The following PFKM variants were observed in gnomAD, a reference collection of about 807,000 sequenced individuals.
PFKM encodes phosphofructokinase, muscle, also known as ATP-dependent 6-phosphofructokinase, muscle type.
In PFKM, 58 loss-of-function variants were observed where a neutral mutation model predicts 95.5. That is an observed-to-expected ratio of 0.61 (90% CI 0.49 to 0.76). The LOEUF (loss-of-function observed/expected upper bound fraction) is 0.76. Ranked by LOEUF, PFKM falls within the 30% of genes least tolerant of loss-of-function variation. The probability of loss-of-function intolerance (pLI) is 0.00; values close to 1 mark genes in which losing one functional copy is unlikely to be tolerated. For synonymous variants in PFKM, 336 were observed against 357.2 expected (o/e 0.94, Z 0.67); for missense variants, 678 against 1,005.4 (o/e 0.67, Z 4.40).
chr12:48,116,606 G>A (rs1947704594), upstream of PFKM, among the ~76,000 whole-genome samples: 1 of 152,160 alleles, frequency 6.6e-6, no homozygotes. Context: ...AACCTCCTGA[G>A]TAGCTGGGAC....
intron 10 of PFKM, among the ~76,000 whole-genome samples, chr12:48,136,699 T>G (rs992780856): frequency 2.7e-5 from 4 of 149,328 alleles, no homozygotes; most frequent in African/African-American, 9.8e-5. Flanking sequence ...TCACTTTTTT[T>G]TTTTTTTTTT....
upstream of PFKM, among the ~76,000 whole-genome samples, chr12:48,119,028 A>G (rs2137750950): frequency 6.6e-6 from 1 of 152,320 alleles, no homozygotes; most frequent in East Asian, 1.9e-4. Context: ...AAGGTGTCTC[A>G]GGCAGTCTGG....
chr12:48,110,651 A>G (rs1349236451), intron 3 of PFKM, among the ~76,000 whole-genome samples: 1 of 152,184 alleles, frequency 6.6e-6, no homozygotes, highest in Non-Finnish European at 1.5e-5. Context: ...GACTCCCTCC[A>G]GGGTGTTCTG....
chr12:48,118,726 G>T (rs1342602327), upstream of PFKM: 2 of 612,190 alleles, frequency 3.3e-6, no homozygotes, highest in Non-Finnish European at 5.9e-6. Flanking sequence ...GGCTTGAGAA[G>T]TGGCCTCACA....
chr12:48,142,315 A>T, intron 17 of PFKM: 1 of 513,868 alleles, frequency 1.9e-6, no homozygotes, highest in Admixed American at 3.2e-5. Context: ...TCTACTAAAA[A>T]TACAAAAACT....
intron 1 of PFKM, chr12:48,106,146 A>G (rs1233096997): frequency 1.4e-6 from 1 of 702,380 alleles, no homozygotes; most frequent in Admixed American, 2.0e-5. Context: ...AGGTGGCTGA[A>G]GAGGAGGGGG....
chr12:48,106,277 T>C (rs530783211), intron 1 of PFKM: 2 of 598,284 alleles, frequency 3.3e-6, no homozygotes, highest in Non-Finnish European at 6.0e-6. Flanking sequence ...CCCTTTTCAG[T>C]CTGGGCTTTT....
intron 1 of PFKM, 146 bp downstream of exon 1, chr12:48,119,552 G>C: frequency 3.3e-6 from 1 of 304,032 alleles, no homozygotes; most frequent in Non-Finnish European, 4.8e-6. Context: ...CCGAGAGGGG[G>C]ATGGGCAGGG....
chr12:48,125,253 G>A, intron 2 of PFKM: 1 of 427,650 alleles, frequency 2.3e-6, no homozygotes, highest in Non-Finnish European at 4.7e-6. Flanking sequence ...TCAGTCATCT[G>A]CTCTGGCCCT....
upstream of PFKM, chr12:48,105,621 A>T (rs1946479792): frequency 6.8e-6 from 3 of 443,608 alleles, no homozygotes; most frequent in Non-Finnish European, 1.3e-5. Context: ...TGAAGCCGGT[A>T]CCACAGAAAG....
intron 8 of PFKM, 33 bp downstream of exon 8, chr12:48,134,862 C>T: frequency 6.3e-7 from 1 of 1,594,576 alleles, no homozygotes; most frequent in Non-Finnish European, 8.6e-7. Context: ...TTAAGAAATC[C>T]CTCACCCTGT....
chr12:48,129,210 C>CTT (rs778761447), intron 2 of PFKM, among the ~76,000 whole-genome samples: 311 of 21,980 alleles, frequency 0.014, 53 homozygotes, highest in Non-Finnish European at 0.021. Context: ...AATTTTCTTT[C>CTT]TTTTTTTTTT....
At chr12:48,112,481 C>T (rs1035223329) in intron 3 of PFKM, among the ~76,000 whole-genome samples, 3 of 152,180 alleles carry the variant, frequency 2.0e-5, no homozygotes, top group South Asian at 4.1e-4. Flanking sequence ...GGGGGCTGTC[C>T]GTGAAGCCTT....
At chr12:48,107,143 C>T (rs1003007699) in intron 1 of PFKM, among the ~76,000 whole-genome samples, 2 of 152,130 alleles carry the variant, frequency 1.3e-5, no homozygotes, top group African/African-American at 4.8e-5. Flanking sequence ...CTGGAGGCCC[C>T]CAGCCTTTCT....
chr12:48,114,681 G>A (rs547895478), upstream of PFKM, among the ~76,000 whole-genome samples: 103 of 152,198 alleles, frequency 6.8e-4, no homozygotes, highest in Non-Finnish European at 1.3e-3. Context: ...GATTTGGGAC[G>A]AGTTGCATTG....
rs1278030418 is a variant in PFKM, at chr12:48,131,634, TAAAC to T, written c.237+244_237+247del. The T allele has an allele frequency of 5.5e-6, 3 of 549,120 alleles. No homozygotes were observed. The Admixed American group carries it at 8.6e-5, about 16-fold the overall frequency. 34.0% of individuals were successfully genotyped at this position (549,120 alleles called of 1,614,324 possible). A position where few individuals can be genotyped will look rare whatever the true frequency, so the allele number is the denominator to read the frequency against. On this transcript the variant is annotated intron_variant, in intron 4 of 22. Transcript: ENST00000359794. Reference sequence around the variant, plus strand: ...TGCTTTGCTCTTTATGGAAAGGTCATAAACAAGACTATGGGGACTGACACATAAG... The same window carrying T: ...TGCTTTGCTCTTTATGGAAAGGTCATAAGACTATGGGGACTGACACATAAG...
At chr12:48,132,705 C>T in intron 4 of PFKM, 163 bp from the exon 5 acceptor site, 1 of 681,554 alleles carries the variant, frequency 1.5e-6, no homozygotes, top group Non-Finnish European at 2.6e-6. Context: ...CCTCAGCCAG[C>T]ATCATTTCCC....
upstream of PFKM, chr12:48,105,678 T>C (rs993259220): frequency 2.3e-5 from 10 of 441,350 alleles, no homozygotes; most frequent in Non-Finnish European, 3.0e-5. Flanking sequence ...GACCCAGCTC[T>C]GGCGGGAAAG....
At chr12:48,106,861 A>G (rs1440589582) in intron 1 of PFKM, among the ~76,000 whole-genome samples, 1 of 152,216 alleles carries the variant, frequency 6.6e-6, no homozygotes, top group Non-Finnish European at 1.5e-5. Flanking sequence ...GGGTAGAGAT[A>G]GAGAAGGACC....
Sources: allele counts gnomAD v4.1 joint callset (sites outside exome capture counted in the v4.1 genomes callset), GRCh38; gene constraint gnomAD v4.1.1; transcripts MANE v1.5; gene names NCBI Gene and HGNC (gene_info 2026-07-23, HGNC 2026-07-21).